TANGO6: variants seen among roughly 807,000 people sequenced by gnomAD.
The protein encoded by TANGO6 is transport and Golgi organization protein 6 homolog.
Under a neutral mutation model 114.2 loss-of-function variants are expected in TANGO6, and 90 were observed. The observed-to-expected ratio is 0.79, with a 90% CI of 0.66 to 0.94. The LOEUF (loss-of-function observed/expected upper bound fraction) is 0.94. TANGO6 is among the 40% of genes least tolerant of loss of function. TANGO6 has a pLI of 0.00. For synonymous variants in TANGO6, 477 were observed against 509.8 expected, an observed-to-expected ratio of 0.94 and a Z score of 0.87; for missense variants, 1,274 against 1,315.3, an observed-to-expected ratio of 0.97 and a Z score of 0.49.
At chr16:68,904,161 C>T (rs765598133) in intron 9 of TANGO6, among the ~76,000 whole-genome samples, 1 of 152,064 alleles carries the variant, frequency 6.6e-6, no homozygotes, top group Non-Finnish European at 1.5e-5. Flanking sequence ...GACTGGAGTG[C>T]AATGGCATGA....
chr16:69,023,370 C>T (rs1316445586), intron 16 of TANGO6, among the ~76,000 whole-genome samples: 1 of 151,994 alleles, frequency 6.6e-6, no homozygotes, highest in Non-Finnish European at 1.5e-5. Flanking sequence ...GCAGGAGAAT[C>T]ACTTGAACCC....
intron 16 of TANGO6, 56 bp from the exon 17 acceptor site, chr16:69,040,250 TTA>T: frequency 7.0e-7 from 1 of 1,427,434 alleles, no homozygotes; most frequent in East Asian, 2.5e-5. Flanking sequence ...AGTTGAAAGG[TTA>T]TAGGTAATTG....
intron 3 of TANGO6, among the ~76,000 whole-genome samples, chr16:68,866,020 A>C (rs570951447): frequency 6.6e-6 from 1 of 152,296 alleles, no homozygotes; most frequent in East Asian, 1.9e-4. Context: ...CCCTGTTGTG[A>C]ACTACCCTCT....
intron 17 of TANGO6, among the ~76,000 whole-genome samples, chr16:69,075,039 G>A (rs905181844): frequency 3.3e-5 from 5 of 151,760 alleles, no homozygotes; most frequent in South Asian, 2.1e-4. Flanking sequence ...ACGGGGTTTC[G>A]CCATGTTGCT....
intron 17 of TANGO6, among the ~76,000 whole-genome samples, chr16:69,045,943 A>T (rs756269250): frequency 1.6e-4 from 24 of 151,268 alleles, no homozygotes; most frequent in Admixed American, 9.3e-4. Flanking sequence ...ACGCATCTGT[A>T]ATCCCAGCTA....
chr16:69,040,861 C>T, intron 17 of TANGO6, among the ~76,000 whole-genome samples: 1 of 152,078 alleles, frequency 6.6e-6, no homozygotes, highest in Non-Finnish European at 1.5e-5. Flanking sequence ...TTAGGTGCTG[C>T]ATAAATTAAA....
chr16:68,844,441 T>G (rs569237381), intron 1 of TANGO6, among the ~76,000 whole-genome samples: 104 of 152,260 alleles, frequency 6.8e-4, no homozygotes, highest in Middle Eastern at 6.8e-3. Flanking sequence ...ATAGGGGCTC[T>G]GATGTTATCT....
chr16:68,921,561 G>A (rs927159660), intron 12 of TANGO6, among the ~76,000 whole-genome samples: 4 of 136,252 alleles, frequency 2.9e-5, no homozygotes, highest in Admixed American at 1.4e-4. Flanking sequence ...TTTTTTTTTG[G>A]TTGAATATTG....
At chr16:68,906,663 A>G (rs1396980169) in intron 9 of TANGO6, among the ~76,000 whole-genome samples, 1 of 151,964 alleles carries the variant, frequency 6.6e-6, no homozygotes, top group Non-Finnish European at 1.5e-5. Flanking sequence ...AATGTACTAC[A>G]ACCTCAAACT....
intron 11 of TANGO6, among the ~76,000 whole-genome samples, chr16:68,918,840 ACC>A (rs1963048920): frequency 6.6e-6 from 1 of 152,106 alleles, no homozygotes; most frequent in African/African-American, 2.4e-5. Flanking sequence ...CTACACCCCC[ACC>A]CGCTTGTCCT....
chr16:68,900,377 CCCGTTGCTCTGG>C, intron 7 of TANGO6, 45 bp from the exon 8 acceptor site: 5 of 1,414,338 alleles, frequency 3.5e-6, no homozygotes, highest in Non-Finnish European at 5.0e-6. Context: ...GTGTGTGATT[CCCGTTGCTCTGG>C]CCAGGCAGTC....
At chr16:68,881,322 T>C (rs569098554) in intron 7 of TANGO6, among the ~76,000 whole-genome samples, 2 of 152,170 alleles carry the variant, frequency 1.3e-5, no homozygotes, top group South Asian at 4.1e-4. Context: ...AAGACCAGCC[T>C]GGCCAATATG....
At chr16:68,852,998 G>A (rs1395210677) in intron 1 of TANGO6, among the ~76,000 whole-genome samples, 1 of 152,022 alleles carries the variant, frequency 6.6e-6, no homozygotes, top group African/African-American at 2.4e-5. Context: ...TGCGTTCAAA[G>A]TAAGTTGCAG....
intron 15 of TANGO6, 129 bp downstream of exon 15, chr16:68,974,297 A>G: frequency 1.1e-6 from 1 of 943,344 alleles, no homozygotes; most frequent in Non-Finnish European, 1.6e-6. Flanking sequence ...GGATGTACCC[A>G]TTTAGGAATT....
At chr16:69,076,201 C>T (rs1308671563) in intron 17 of TANGO6, among the ~76,000 whole-genome samples, 6 of 139,678 alleles carry the variant, frequency 4.3e-5, no homozygotes, top group Admixed American at 4.0e-4. Context: ...AAGTGATTCT[C>T]GTGCCTCAGC....
intron 17 of TANGO6, among the ~76,000 whole-genome samples, chr16:69,064,262 T>C (rs1960182034): frequency 6.6e-6 from 1 of 152,166 alleles, no homozygotes. Flanking sequence ...TCTGGGTTTT[T>C]TGGCCTTTGA....
intron 14 of TANGO6, among the ~76,000 whole-genome samples, chr16:68,942,822 T>A (rs1963368915): frequency 1.3e-5 from 2 of 151,988 alleles, no homozygotes; most frequent in African/African-American, 4.8e-5. Flanking sequence ...GACCTATAAA[T>A]CACAAGTAGC....
Position 68,878,208 on chromosome 16 carries a change from C to A in TANGO6, c.1222C>A (p.Arg408Ser), listed in dbSNP as rs770819768. ...TACCTTTATAACTTTGTCAAGAGAA[C>A]GCCCACATTTGGCAGCAAAGTATTT... is the stretch of plus-strand genomic sequence containing the variant. Reference protein sequence around the residue: ...TTTFITLSRERPHLAAKYLLQ... With the variant: ...TTTFITLSRESPHLAAKYLLQ... Residue 408 changes from arginine (R) to serine (S), a missense_variant, in exon 6 of 18, where the codon CGC becomes AGC. Arg to Ser is a moderately radical substitution (Grantham distance 110). Transcript: ENST00000261778. The A allele has an allele frequency of 1.2e-6, 2 of 1,613,238 alleles. No individual in the cohort carries two copies. The highest frequency in any genetic ancestry group is 2.2e-5 in the South Asian group (2 of 90,842).
intron 1 of TANGO6, among the ~76,000 whole-genome samples, chr16:68,845,883 C>T (rs1185078430): frequency 2.6e-5 from 4 of 151,444 alleles, no homozygotes; most frequent in Non-Finnish European, 5.9e-5. Context: ...GACAGAGTTT[C>T]ACTCCATCAC....
Sources: allele counts gnomAD v4.1 joint callset (sites outside exome capture counted in the v4.1 genomes callset), GRCh38; gene constraint gnomAD v4.1.1; transcripts MANE v1.5; gene names NCBI Gene and HGNC (gene_info 2026-07-23, HGNC 2026-07-21).